The following VTCN1 variants were observed in gnomAD, a reference collection of about 807,000 sequenced individuals.
VTCN1 encodes V-set domain-containing T-cell activation inhibitor 1.
In VTCN1, 26 loss-of-function variants were observed where a neutral mutation model predicts 26.5. That is an observed-to-expected ratio of 0.98 (90% CI 0.72 to 1.36). VTCN1 has a LOEUF of 1.36. VTCN1 is among the 40% of genes most tolerant of loss of function. The pLI is 0.00. For synonymous variants in VTCN1, 116 were observed against 130.7 expected (o/e 0.89, Z 0.77); for missense variants, 298 against 337.7 (o/e 0.88, Z 0.92).
rs748315311 is a variant in VTCN1 at position 117,147,817 on chromosome 1, G to A, written c.725-35C>T. On this transcript the variant is annotated intron_variant, in intron 4 of 5. Coordinates refer to ENST00000369458, the MANE Select transcript of VTCN1 (RefSeq NM_024626.4). The surrounding 1 kb of genome is among the most constrained non-coding windows in gnomAD (Gnocchi z 4.6). The stretch of plus-strand genomic sequence containing the variant: ...GAGAGAAAAAGTTTAGGGTCATACA[G>A]GAGAAGCTGGATGTCTTCTTCACAT... The A allele has an allele frequency of 6.2e-7, 1 of 1,601,678 alleles. No homozygotes were observed. The highest frequency in any genetic ancestry group is 8.5e-7 in the Non-Finnish European group (1 of 1,175,428).
At chr1:117,180,006 A>G (rs1647592768) in intron 1 of VTCN1, among the ~76,000 whole-genome samples, 1 of 152,168 alleles carries the variant, frequency 6.6e-6, no homozygotes. Flanking sequence ...TATATTAATC[A>G]AAAGACTTGT....
At chr1:117,186,103 T>C (rs538119499) in intron 1 of VTCN1, among the ~76,000 whole-genome samples, 28 of 152,306 alleles carry the variant, frequency 1.8e-4, no homozygotes, top group African/African-American at 6.3e-4. Context: ...TGAAATATGG[T>C]CCCTAGTTAT....
chr1:117,189,018 C>T (rs926521813), intron 1 of VTCN1, among the ~76,000 whole-genome samples: 1 of 152,140 alleles, frequency 6.6e-6, no homozygotes, highest in African/African-American at 2.4e-5. Flanking sequence ...GGCAGTGTCA[C>T]GGTAAACAAA....
rs1652798288 is a variant in VTCN1, at chr1:117,169,743, A to G, written c.97+364T>C. On this transcript the variant is annotated intron_variant, in intron 2 of 5. Coordinates refer to ENST00000369458, the MANE Select transcript of VTCN1 (RefSeq NM_024626.4). This position sits in a 1 kb window ranked among gnomAD's most constrained non-coding sequence, Gnocchi z 4.0. ...CCCCATCTCTACTAAAAATAAAAAA[A>G]TTAGCCTGGCATGGTGGTGCACATG... Among the ~76,000 whole-genome samples, 1 of 152,118 alleles carries G rather than the reference A, an allele frequency of 6.6e-6. No individual in the cohort carries two copies. The highest frequency in any genetic ancestry group is 6.6e-5 in the Admixed American group (1 of 15,264).
chr1:117,189,528 G>A (rs1157416692), intron 1 of VTCN1, among the ~76,000 whole-genome samples: 4 of 152,288 alleles, frequency 2.6e-5, no homozygotes, highest in South Asian at 2.1e-4. Context: ...TGCTTTACCC[G>A]ATCTGAAGCC....
chr1:117,197,190 G>A (rs73010057), intron 1 of VTCN1, among the ~76,000 whole-genome samples: 28 of 152,184 alleles, frequency 1.8e-4, no homozygotes, highest in African/African-American at 6.3e-4. Flanking sequence ...GTACTTATTC[G>A]CTAAGCCCAT....
intron 1 of VTCN1, among the ~76,000 whole-genome samples, chr1:117,205,065 A>G (rs1022631989): frequency 1.4e-5 from 2 of 144,890 alleles, no homozygotes; most frequent in African/African-American, 5.1e-5. Context: ...ATATATGTAT[A>G]TATGTATATG....
rs1652038309 is a variant in VTCN1, at chr1:117,155,763, G to A, written c.445+811C>T. Among the ~76,000 whole-genome samples, 1 of 152,166 alleles carries A rather than the reference G, an allele frequency of 6.6e-6. No homozygotes were observed. The highest frequency in any genetic ancestry group is 2.1e-4 in the South Asian group (1 of 4,822). On this transcript the variant is annotated intron_variant, in intron 3 of 5. Coordinates refer to ENST00000369458, the MANE Select transcript of VTCN1 (RefSeq NM_024626.4). This position sits in a 1 kb window ranked among gnomAD's most constrained non-coding sequence, Gnocchi z 4.8. ...TACTAGTTTAGGCTGGAAAGGCCCG[G>A]TTTCTGCCTATCCTTCAAGGCTCCC... is the stretch of plus-strand genomic sequence containing the variant.
At position 117,170,179 on chromosome 1, in the gene VTCN1, AAG is replaced by A. The variant is rs764352307; in HGVS notation, c.33-10_33-9del. 26 of 1,612,924 alleles carry A rather than the reference AAG, an allele frequency of 1.6e-5. No individual in the cohort carries two copies. Among genetic ancestry groups the A allele is most frequent in the East Asian group, 2.2e-5 (1 of 44,862 alleles). On this transcript the variant is annotated splice_polypyrimidine_tract_variant and intron_variant, in intron 1 of 5. Transcript: ENST00000369458. ...ATGATGATGCTAATTATGCTACGGG[AAG>A]AGAGAGAGAAACAGAAAATTAGTTC...
chr1:117,171,164 T>C (rs747784975), intron 1 of VTCN1, among the ~76,000 whole-genome samples: 28 of 152,316 alleles, frequency 1.8e-4, no homozygotes, highest in Non-Finnish European at 3.1e-4. Flanking sequence ...TCATCCATGT[T>C]CCTGCAAAGG....
intron 1 of VTCN1, among the ~76,000 whole-genome samples, chr1:117,199,716 A>G (rs1570990722): frequency 6.7e-6 from 1 of 148,868 alleles, no homozygotes; most frequent in Admixed American, 6.7e-5. Context: ...GCTCACTGCA[A>G]CCTCTGCCTT....
At chr1:117,180,198 A>G (rs1647605001) in intron 1 of VTCN1, among the ~76,000 whole-genome samples, 1 of 151,346 alleles carries the variant, frequency 6.6e-6, no homozygotes, top group Non-Finnish European at 1.5e-5. Context: ...AAAATTTCAC[A>G]CTGTTAACAA....
intron 1 of VTCN1, chr1:117,203,498 G>C (rs1228271341): frequency 1.6e-6 from 1 of 607,182 alleles, no homozygotes; most frequent in East Asian, 1.4e-4. Flanking sequence ...CATGACCGCT[G>C]TGCTGGCAGC....
chr1:117,175,773 CTT>C lies in VTCN1; in HGVS notation c.33-5604_33-5603del, dbSNP rs1283482845. On this transcript the variant is annotated intron_variant, in intron 1 of 5. Coordinates refer to ENST00000369458, the MANE Select transcript of VTCN1 (RefSeq NM_024626.4). The surrounding 1 kb of genome is among the most constrained non-coding windows in gnomAD (Gnocchi z 4.2). ...GATACCTATCTCTCTCTCTCTCTCT[CTT>C]TTTTTTTTTTTTTGAGATGGAGTTT... Among the ~76,000 whole-genome samples the C allele has an allele frequency of 2.6e-5, 1 of 38,290 alleles. No individual in the cohort carries two copies. The highest frequency in any genetic ancestry group is 1.1e-4 in the Non-Finnish European group (1 of 9,028). 25.1% of individuals were successfully genotyped at this position (38,290 alleles called of 152,430 possible). A position where few individuals can be genotyped will look rare whatever the true frequency, so the allele number is the denominator to read the frequency against.
In VTCN1 at chr1:117,169,519, T is replaced by G. The variant is rs1221556093; in HGVS notation, c.97+588A>C. 6.6e-6 allele frequency among the ~76,000 whole-genome samples: 1 copy of G among 152,232 alleles called. No homozygotes were observed. Among genetic ancestry groups the G allele is most frequent in the Non-Finnish European group, 1.5e-5 (1 of 68,044 alleles). Reference sequence around the variant, plus strand: ...CCAGAATGACATCTTCAGCACTGACTGATAGATAGACTACTGATAAACATC... The same window carrying G: ...CCAGAATGACATCTTCAGCACTGACGGATAGATAGACTACTGATAAACATC... On this transcript the variant is annotated intron_variant, in intron 2 of 5. Coordinates refer to ENST00000369458, the MANE Select transcript of VTCN1 (RefSeq NM_024626.4). This position sits in a 1 kb window ranked among gnomAD's most constrained non-coding sequence, Gnocchi z 4.0.
chr1:117,198,940 T>A (rs971544590), intron 1 of VTCN1, among the ~76,000 whole-genome samples: 1 of 152,124 alleles, frequency 6.6e-6, no homozygotes, highest in Non-Finnish European at 1.5e-5. Context: ...TGACTTTGGA[T>A]ATCAAATATG....
intron 2 of VTCN1, among the ~76,000 whole-genome samples, chr1:117,165,570 ACTCT>A (rs1253987608): frequency 6.6e-6 from 1 of 151,222 alleles, no homozygotes. Flanking sequence ...CCTCCCCACC[ACTCT>A]CTCTCCCTCT....
At chr1:117,176,759 T>G (rs1647371979) in intron 1 of VTCN1, among the ~76,000 whole-genome samples, 1 of 152,182 alleles carries the variant, frequency 6.6e-6, no homozygotes, top group Non-Finnish European at 1.5e-5. Flanking sequence ...GTGACTAGGT[T>G]TATAAAGAAT....
rs751633017 is a variant in VTCN1 at position 117,153,256 on chromosome 1, G to T, written c.559C>A (p.Gln187Lys). The T allele has an allele frequency of 3.2e-5, 51 of 1,613,952 alleles. No individual in the cohort carries two copies. The Admixed American group carries it at 8.5e-4, about 27-fold the overall frequency. The change falls in exon 4 of 6, where the codon CAG (glutamine) becomes AAG (lysine). Residue 187 changes from glutamine (Q) to lysine (K), a missense_variant. By Grantham distance (53) the Gln-to-Lys change is moderately conservative (BLOSUM62 1). Coordinates refer to ENST00000369458, the MANE Select transcript of VTCN1 (RefSeq NM_024626.4). ...GAGACTTCCGAGAAGTTGGCTCCCT[G>T]GTCAACTTGGGATGCCCAGACCACT... ...PTVVWASQVDQGANFSEVSNT... is the reference protein window; with the variant it reads ...PTVVWASQVDKGANFSEVSNT...
Sources: allele counts gnomAD v4.1 joint callset (sites outside exome capture counted in the v4.1 genomes callset), GRCh38; gene constraint gnomAD v4.1.1; non-coding constraint Gnocchi (gnomAD v3.1); transcripts MANE v1.5; gene names NCBI Gene and HGNC (gene_info 2026-07-23, HGNC 2026-07-21).